The following NECTIN1 variants were observed in gnomAD, a reference collection of about 807,000 sequenced individuals.
The protein encoded by NECTIN1 is nectin-1.
In NECTIN1, 23 loss-of-function variants were observed where a neutral mutation model predicts 48.0. The ratio of observed to expected loss-of-function variants is 0.48; its 90% CI spans 0.34 to 0.68. NECTIN1 has a LOEUF of 0.68. Ranked by LOEUF, NECTIN1 falls within the 30% of genes least tolerant of loss-of-function variation. The probability of loss-of-function intolerance (pLI) is 0.01; values close to 1 mark genes in which losing one functional copy is unlikely to be tolerated. For synonymous variants in NECTIN1, 270 were observed against 288.9 expected (o/e 0.93, Z 0.66); for missense variants, 591 against 709.9 (o/e 0.83, Z 1.90).
intron 1 of NECTIN1, among the ~76,000 whole-genome samples, chr11:119,722,729 G>A (rs2134346934): frequency 6.6e-6 from 1 of 152,358 alleles, no homozygotes; most frequent in East Asian, 1.9e-4. Flanking sequence ...CTGGGGACAC[G>A]GGAAGTGAGG....
chr11:119,669,559 T>TG (rs1864833647), intron 5 of NECTIN1, among the ~76,000 whole-genome samples: 1 of 152,188 alleles, frequency 6.6e-6, no homozygotes, highest in African/African-American at 2.4e-5. Context: ...TTTCCCTCTG[T>TG]GGACTGTTTT....
chr11:119,649,753 G>A (rs1864462781), intron 5 of NECTIN1, among the ~76,000 whole-genome samples: 1 of 152,146 alleles, frequency 6.6e-6, no homozygotes, highest in Non-Finnish European at 1.5e-5. Context: ...CACGGGAATG[G>A]CAGAGTTTCT....
At chr11:119,685,583 G>C (rs1351452079) in intron 1 of NECTIN1, among the ~76,000 whole-genome samples, 1 of 152,230 alleles carries the variant, frequency 6.6e-6, no homozygotes, top group East Asian at 1.9e-4. Flanking sequence ...CCAGGTGGCT[G>C]AGGACACCTG....
chr11:119,688,660 T>C (rs1400951967), intron 1 of NECTIN1, among the ~76,000 whole-genome samples: 1 of 152,132 alleles, frequency 6.6e-6, no homozygotes, highest in East Asian at 1.9e-4. Context: ...ACGAGGGACA[T>C]GCAGGGCTGG....
At chr11:119,676,971 C>T (rs1249498931) in intron 4 of NECTIN1, 131 bp downstream of exon 4, 28 of 772,492 alleles carry the variant, frequency 3.6e-5, no homozygotes, top group African/African-American at 1.0e-4. Flanking sequence ...CTCATGGCCC[C>T]GCTTCTTACT....
In NECTIN1 at chr11:119,663,106, C is replaced by G; in HGVS notation, c.*1641G>C. ...GTGGGGCACAGAGTGGTCTGCCTCCCTCCTCCCCAACACTTGCCATCCTGC... is the reference window on the plus strand; with the variant it reads ...GTGGGGCACAGAGTGGTCTGCCTCCGTCCTCCCCAACACTTGCCATCCTGC... On this transcript the variant is annotated 3_prime_UTR_variant, in exon 6 of 6. Transcript: ENST00000264025. 1 of 985,530 alleles carries G rather than the reference C, an allele frequency of 1.0e-6. No homozygotes were observed. The highest frequency in any genetic ancestry group is 1.2e-6 in the Non-Finnish European group (1 of 829,976). The allele number at this position is 985,530 out of a possible 1,614,324, so 61.0% of individuals were successfully genotyped here.
chr11:119,653,529 G>A (rs1335997876), intron 5 of NECTIN1, among the ~76,000 whole-genome samples: 1 of 152,182 alleles, frequency 6.6e-6, no homozygotes, highest in African/African-American at 2.4e-5. Flanking sequence ...GGTGGGTCGT[G>A]GTGCGAGACG....
Position 119,663,192 on chromosome 11 carries a change from G to T in NECTIN1, c.*1555C>A. On this transcript the variant is annotated 3_prime_UTR_variant, in exon 6 of 6. Transcript: ENST00000264025. ...TCCCAGTGGGCAGGCATGAAGGGCC[G>T]CGAAGCCTGCCTCTCCATCCCAGGG... The T allele has an allele frequency of 1.0e-6, 1 of 985,466 alleles. No individual in the cohort carries two copies. Among genetic ancestry groups the T allele is most frequent in the Non-Finnish European group, 1.2e-6 (1 of 829,946 alleles). 61.0% of individuals were successfully genotyped at this position (985,466 alleles called of 1,614,324 possible). A position where few individuals can be genotyped will look rare whatever the true frequency, so the allele number is the denominator to read the frequency against.
In NECTIN1 at chr11:119,726,009, A is replaced by G. The variant is rs193071696; in HGVS notation, c.79+2466T>C. Reference sequence around the variant, plus strand: ...AGGAAACAGAGGCCTTTGGGGCTTCACCACACTGCTTAGTAAAGTCTGTGT... The same window carrying G: ...AGGAAACAGAGGCCTTTGGGGCTTCGCCACACTGCTTAGTAAAGTCTGTGT... On this transcript the variant is annotated intron_variant, in intron 1 of 5. Transcript: ENST00000264025. Among the ~76,000 whole-genome samples the G allele has an allele frequency of 1.2e-3, 178 of 152,336 alleles. 1 individual carries two copies. Among genetic ancestry groups the G allele is most frequent in the African/African-American group, 3.9e-3 (163 of 41,580 alleles).
At chr11:119,716,385 C>T (rs12416901) in intron 1 of NECTIN1, among the ~76,000 whole-genome samples, 145,580 of 152,190 alleles carry the variant, frequency 0.96, 69,685 homozygotes, top group South Asian at 0.98. Flanking sequence ...GAAGGCTTTC[C>T]CTGGATCAAG....
At chr11:119,713,670 G>C (rs921925929) in intron 1 of NECTIN1, 1 of 357,236 alleles carries the variant, frequency 2.8e-6, no homozygotes, top group Non-Finnish European at 5.6e-6. Context: ...GAATGGGACC[G>C]CAGTGATTGA....
At chr11:119,668,614 G>A (rs4938705) in intron 5 of NECTIN1, among the ~76,000 whole-genome samples, 53,019 of 152,058 alleles carry the variant, frequency 0.35, 9,874 homozygotes, top group Admixed American at 0.45. Context: ...TTCTTCAGGA[G>A]CCTTCTCTTC....
intron 1 of NECTIN1, among the ~76,000 whole-genome samples, chr11:119,695,963 A>G (rs957647302): frequency 6.6e-6 from 1 of 152,244 alleles, no homozygotes; most frequent in Non-Finnish European, 1.5e-5. Flanking sequence ...ATGAGGTTAT[A>G]TAATAAACTA....
At chr11:119,714,045 A>C (rs1220628265) in intron 1 of NECTIN1, 1 of 310,228 alleles carries the variant, frequency 3.2e-6, no homozygotes, top group African/African-American at 2.3e-5. Flanking sequence ...CTGAGGGTAC[A>C]TCGAAGCTCA....
intron 5 of NECTIN1, chr11:119,641,005 C>G (rs1864314626): frequency 6.6e-6 from 1 of 152,182 alleles, no homozygotes; most frequent in Non-Finnish European, 1.5e-5. Context: ...ATTGACAAGT[C>G]CCTTCCACTC....
At chr11:119,681,089 A>T (rs1865053261) in intron 1 of NECTIN1, among the ~76,000 whole-genome samples, 1 of 152,140 alleles carries the variant, frequency 6.6e-6, no homozygotes, top group Admixed American at 6.5e-5. Flanking sequence ...CACTCCAGAT[A>T]CAGTTCCATG....
chr11:119,644,941 G>T (rs1172557027), intron 5 of NECTIN1, among the ~76,000 whole-genome samples: 1 of 152,116 alleles, frequency 6.6e-6, no homozygotes, highest in Non-Finnish European at 1.5e-5. Flanking sequence ...CTCTCCTGCC[G>T]CCTCTCCCTG....
intron 1 of NECTIN1, among the ~76,000 whole-genome samples, chr11:119,699,393 C>A (rs751271133): frequency 1.3e-5 from 2 of 152,150 alleles, no homozygotes; most frequent in Non-Finnish European, 2.9e-5. Flanking sequence ...CAGACGCCAA[C>A]TAGCCCAGCT....
chr11:119,664,147 C>T lies in NECTIN1; in HGVS notation c.*600G>A, dbSNP rs931318421. On this transcript the variant is annotated 3_prime_UTR_variant, in exon 6 of 6. Transcript: ENST00000264025. ...CAGGAAAACACTGCCCAAGGCCCCG[C>T]TTAACAAACAAGACTCCCTGGGAAC... 29 of 986,208 alleles carry T rather than the reference C, an allele frequency of 2.9e-5. No homozygotes were observed. In the Middle Eastern group the frequency reaches 2.6e-3, roughly 88 times the overall value. The allele number at this position is 986,208 out of a possible 1,614,324, so 61.1% of individuals were successfully genotyped here.
Sources: gnomAD v4.1 joint callset for allele counts (sites outside exome capture counted in the v4.1 genomes callset) on GRCh38, gnomAD v4.1.1 for gene constraint, MANE v1.5 for transcripts, NCBI Gene and HGNC (gene_info 2026-07-23, HGNC 2026-07-21) for gene names.